Variants in CNTLN observed in about 807,000 individuals in gnomAD.
The protein encoded by CNTLN is centlein.
In CNTLN, 212 loss-of-function variants were observed where a neutral mutation model predicts 180.0. The observed-to-expected ratio is 1.18, with a 90% CI of 1.05 to 1.32. The LOEUF (loss-of-function observed/expected upper bound fraction) is 1.32. Ranked by LOEUF, CNTLN falls within the 40% of genes most tolerant of loss-of-function variation. The pLI is 0.00. For missense variants in CNTLN, 2,095 were observed against 1,610.9 expected (o/e 1.30, Z -5.14); for synonymous variants, 722 against 563.1 (o/e 1.28, Z -3.99).
chr9:17,233,797 G>A (rs552674707), intron 3 of CNTLN, among the ~76,000 whole-genome samples: 2 of 152,220 alleles, frequency 1.3e-5, no homozygotes, highest in Admixed American at 6.5e-5. Context: ...TGTAATATGT[G>A]TAATATGATT....
chr9:17,283,221 C>T (rs1203691368), intron 6 of CNTLN, among the ~76,000 whole-genome samples: 1 of 152,174 alleles, frequency 6.6e-6, no homozygotes, highest in East Asian at 1.9e-4. Flanking sequence ...TATCCATGAG[C>T]ATGGAATGTT....
intron 18 of CNTLN, among the ~76,000 whole-genome samples, chr9:17,437,612 T>C (rs769685431): frequency 5.9e-5 from 9 of 152,198 alleles, no homozygotes; most frequent in Non-Finnish European, 8.8e-5. Flanking sequence ...GAGTTTGGTT[T>C]TAAATGACTA....
At chr9:17,198,086 T>C (rs1822251815) in intron 2 of CNTLN, among the ~76,000 whole-genome samples, 1 of 152,188 alleles carries the variant, frequency 6.6e-6, no homozygotes, top group Admixed American at 6.5e-5. Flanking sequence ...TTCTGTTCCA[T>C]TGGTCTATGT....
chr9:17,140,425 G>A (rs1047450045), intron 1 of CNTLN, among the ~76,000 whole-genome samples: 55 of 151,948 alleles, frequency 3.6e-4, no homozygotes, highest in Admixed American at 7.9e-4. Flanking sequence ...AATGGTGGGT[G>A]TATGAGGTAA....
At chr9:17,322,154 A>G (rs912041331) in intron 8 of CNTLN, among the ~76,000 whole-genome samples, 16 of 152,246 alleles carry the variant, frequency 1.1e-4, no homozygotes, top group African/African-American at 3.9e-4. Flanking sequence ...ATATGACCAC[A>G]CAAATATATG....
chr9:17,422,990 G>A (rs1828826362), intron 18 of CNTLN, among the ~76,000 whole-genome samples: 1 of 152,136 alleles, frequency 6.6e-6, no homozygotes, highest in Non-Finnish European at 1.5e-5. Flanking sequence ...CACCTTGGTG[G>A]GCTTAGGTAA....
At chr9:17,508,862 T>C (rs1219457533), downstream of CNTLN, among the ~76,000 whole-genome samples, 2 of 152,178 alleles carry the variant, frequency 1.3e-5, no homozygotes, top group Non-Finnish European at 2.9e-5. Flanking sequence ...GGTCAGGGAC[T>C]AGGAAAGAAT....
intron 2 of CNTLN, among the ~76,000 whole-genome samples, chr9:17,184,439 C>T (rs954906524): frequency 1.3e-5 from 2 of 151,580 alleles, no homozygotes; most frequent in Non-Finnish European, 2.9e-5. Flanking sequence ...ATTTCAAAAT[C>T]ATACGTTATG....
At chr9:17,272,925 C>G (rs1371289150) in intron 5 of CNTLN, among the ~76,000 whole-genome samples, 3 of 152,034 alleles carry the variant, frequency 2.0e-5, no homozygotes, top group Non-Finnish European at 4.4e-5. Flanking sequence ...TCCCCTCTGT[C>G]TTCCTCTCCT....
At chr9:17,374,718 G>T (rs987735200) in intron 13 of CNTLN, among the ~76,000 whole-genome samples, 2 of 152,162 alleles carry the variant, frequency 1.3e-5, no homozygotes, top group Middle Eastern at 3.4e-3. Context: ...AATGAGAGGG[G>T]TGTGGTGGCA....
intron 2 of CNTLN, among the ~76,000 whole-genome samples, chr9:17,194,321 C>T (rs1167836799): frequency 6.6e-6 from 1 of 152,172 alleles, no homozygotes; most frequent in Non-Finnish European, 1.5e-5. Flanking sequence ...AACTTTTATT[C>T]TCTGCTTCCC....
the CNTLN span, among the ~76,000 whole-genome samples, chr9:17,521,507 C>G: frequency 6.6e-6 from 1 of 152,072 alleles, no homozygotes; most frequent in African/African-American, 2.4e-5. Flanking sequence ...TTGAGTATGT[C>G]TGGTGTGGAT....
chr9:17,432,312 T>C (rs1166635115), intron 18 of CNTLN, among the ~76,000 whole-genome samples: 2 of 152,200 alleles, frequency 1.3e-5, no homozygotes, highest in Middle Eastern at 3.2e-3. Context: ...TGGCCTGATG[T>C]ATTTGAAAAG....
intron 18 of CNTLN, among the ~76,000 whole-genome samples, chr9:17,433,413 T>A (rs1267108169): frequency 6.6e-6 from 1 of 151,766 alleles, no homozygotes; most frequent in Non-Finnish European, 1.5e-5. Flanking sequence ...GCCTCCTGAG[T>A]AGCTGGGATT....
At chr9:17,139,047 T>C (rs1817908812) in intron 1 of CNTLN, among the ~76,000 whole-genome samples, 1 of 152,330 alleles carries the variant, frequency 6.6e-6, no homozygotes, top group African/African-American at 2.4e-5. Flanking sequence ...TATTTGATTC[T>C]GTTTGGAAGT....
At position 17,143,385 on chromosome 9, in the gene CNTLN, T is replaced by C. The variant is rs1394707739; in HGVS notation, c.449+9T>C. On this transcript the variant is annotated intron_variant, in intron 2 of 25. Coordinates refer to ENST00000380647, the MANE Select transcript of CNTLN (RefSeq NM_017738.4). ...AGTTTGGTTGTGGAAAGGTGAGCTCTCAAATTATTTTTTCATGAGTATTTG... is the reference window on the plus strand; with the variant it reads ...AGTTTGGTTGTGGAAAGGTGAGCTCCCAAATTATTTTTTCATGAGTATTTG... The C allele has an allele frequency of 1.2e-6, 2 of 1,606,044 alleles. No homozygotes were observed. The highest frequency in any genetic ancestry group is 3.3e-5 in the Admixed American group (2 of 59,774).
chr9:17,217,732 C>T (rs956757814), intron 2 of CNTLN, among the ~76,000 whole-genome samples: 1 of 152,148 alleles, frequency 6.6e-6, no homozygotes, highest in East Asian at 1.9e-4. Flanking sequence ...TTTTCCTACT[C>T]TTTTATGTTG....
At chr9:17,332,472 G>T in intron 9 of CNTLN, 133 bp from the exon 10 acceptor site, 1 of 758,408 alleles carries the variant, frequency 1.3e-6, no homozygotes, top group Non-Finnish European at 2.0e-6. Context: ...TATTTCTCTG[G>T]TATTCCATGC....
At chr9:17,250,330 T>A (rs1052542746) in intron 5 of CNTLN, among the ~76,000 whole-genome samples, 1 of 152,034 alleles carries the variant, frequency 6.6e-6, no homozygotes, top group Non-Finnish European at 1.5e-5. Context: ...AATCTCTTTT[T>A]TTCTGACTGG....
Sources: allele counts gnomAD v4.1 joint callset (sites outside exome capture counted in the v4.1 genomes callset), GRCh38; gene constraint gnomAD v4.1.1; transcripts MANE v1.5; gene names NCBI Gene and HGNC (gene_info 2026-07-23, HGNC 2026-07-21).